SGSM1: variants seen among roughly 807,000 people sequenced by gnomAD.
SGSM1 encodes the protein RUN and TBC1 domain containing 2.
In SGSM1, 73 loss-of-function variants were observed where a neutral mutation model predicts 133.8. The ratio of observed to expected loss-of-function variants is 0.55; its 90% CI spans 0.45 to 0.66. The LOEUF (loss-of-function observed/expected upper bound fraction) is 0.66, where lower values mean the gene tolerates loss of function less well. Among genes scored for constraint, SGSM1 ranks in the 30% least tolerant of loss-of-function variants. The probability of loss-of-function intolerance (pLI) is 0.00; values close to 1 mark genes in which losing one functional copy is unlikely to be tolerated. For missense variants in SGSM1, 1,213 were observed against 1,448.1 expected, an observed-to-expected ratio of 0.84 and a Z score of 2.64; for synonymous variants, 563 against 573.0, an observed-to-expected ratio of 0.98 and a Z score of 0.25.
intron 21 of SGSM1, among the ~76,000 whole-genome samples, chr22:24,909,644 C>A (rs940856815): frequency 6.6e-6 from 1 of 151,950 alleles, no homozygotes; most frequent in African/African-American, 2.4e-5. Flanking sequence ...TTAGTAGAGA[C>A]GGGATTTCAC....
chr22:24,855,145 C>T, intron 6 of SGSM1, 82 bp downstream of exon 6: 1 of 1,555,694 alleles, frequency 6.4e-7, no homozygotes, highest in Non-Finnish European at 8.7e-7. Context: ...TCTCTCACCC[C>T]TGTCCAGCCT....
chr22:24,867,857 C>G (rs1048820016), intron 10 of SGSM1, among the ~76,000 whole-genome samples: 2 of 152,152 alleles, frequency 1.3e-5, no homozygotes, highest in African/African-American at 4.8e-5. Context: ...AGTTACTTAA[C>G]CTCTCTGAGC....
rs113548328 is a variant in SGSM1 at position 24,886,937 on chromosome 22, T to C, written c.1770+209T>C. ...TTTAAATTTTGGACTAAGTGTAGAT[T>C]ATGCAGTTGTAAGAAATTAATGTGG... On this transcript the variant is annotated intron_variant, in intron 16 of 24. Coordinates refer to ENST00000400358, the MANE Select transcript of SGSM1 (RefSeq NM_001098497.3). Among the ~76,000 whole-genome samples, 397 of 151,950 alleles carry C rather than the reference T, an allele frequency of 2.6e-3. 1 individual carries two copies. Among genetic ancestry groups the C allele is most frequent in the African/African-American group, 9.0e-3 (374 of 41,420 alleles).
chr22:24,907,217 G>A (rs1345522690), intron 21 of SGSM1, among the ~76,000 whole-genome samples: 4 of 150,310 alleles, frequency 2.7e-5, no homozygotes, highest in African/African-American at 7.3e-5. Context: ...CTGAGATTGC[G>A]CCATTACACT....
chr22:24,910,329 G>A (rs1207725384), intron 21 of SGSM1, among the ~76,000 whole-genome samples: 4 of 152,098 alleles, frequency 2.6e-5, no homozygotes, highest in African/African-American at 7.2e-5. Context: ...TTTAAAGGGT[G>A]AATTTTATAT....
At chr22:24,923,874 G>A (rs1176907945) in intron 24 of SGSM1, among the ~76,000 whole-genome samples, 6 of 152,076 alleles carry the variant, frequency 3.9e-5, no homozygotes, top group South Asian at 2.1e-4. Flanking sequence ...CACCTGCCTC[G>A]GCCTCCCAAG....
At chr22:24,884,651 A>G (rs1932505533) in intron 15 of SGSM1, among the ~76,000 whole-genome samples, 1 of 152,312 alleles carries the variant, frequency 6.6e-6, no homozygotes, top group African/African-American at 2.4e-5. Context: ...CTAAAGTGAA[A>G]TAGGCTTTTA....
In SGSM1 at chr22:24,820,222, A is replaced by G. The variant is rs1928384762; in HGVS notation, c.63+13738A>G. 2.6e-5 allele frequency among the ~76,000 whole-genome samples: 4 copies of G among 152,198 alleles called. 1 individual carries two copies. In the South Asian group the frequency reaches 8.3e-4, roughly 32 times the overall value. ...TTTATACAAGAATGTCCCCGAGAGA[A>G]TGCCTTGGAATCAGGCCCCGGGGGA... is the stretch of plus-strand genomic sequence containing the variant. On this transcript the variant is annotated intron_variant, in intron 2 of 24. Coordinates refer to ENST00000400358, the MANE Select transcript of SGSM1 (RefSeq NM_001098497.3).
chr22:24,900,781 C>G (rs1342366061), intron 19 of SGSM1, among the ~76,000 whole-genome samples: 1 of 152,170 alleles, frequency 6.6e-6, no homozygotes, highest in Non-Finnish European at 1.5e-5. Flanking sequence ...GGCTCTGATT[C>G]TGTTTTCTTG....
chr22:24,817,008 G>GA (rs1199470849), intron 2 of SGSM1, among the ~76,000 whole-genome samples: 1 of 152,180 alleles, frequency 6.6e-6, no homozygotes, highest in African/African-American at 2.4e-5. Flanking sequence ...CTTGGTCATG[G>GA]GGGGGTGAGG....
chr22:24,856,935 A>T (rs1331747142), intron 8 of SGSM1, among the ~76,000 whole-genome samples: 7 of 151,458 alleles, frequency 4.6e-5, no homozygotes, highest in African/African-American at 1.7e-4. Flanking sequence ...CGCCCAGCTA[A>T]TTTTTTGTAT....
chr22:24,854,991 G>A lies in SGSM1; in HGVS notation c.456-5G>A. 6.2e-7 allele frequency: 1 copy of A among 1,612,494 alleles called. No homozygotes were observed. Among genetic ancestry groups the A allele is most frequent in the Admixed American group, 1.7e-5 (1 of 59,880 alleles). Reference sequence around the variant, plus strand: ...CCAAACCTGCATATTCTCTCCTCTTGCTAGTAAATACTATGAGAAGGAAGC... The same window carrying A: ...CCAAACCTGCATATTCTCTCCTCTTACTAGTAAATACTATGAGAAGGAAGC... On this transcript the variant is annotated splice_polypyrimidine_tract_variant and splice_region_variant and intron_variant, in intron 5 of 24. Transcript: ENST00000400358.
chr22:24,887,989 A>G (rs566434056), intron 16 of SGSM1, among the ~76,000 whole-genome samples: 124 of 152,282 alleles, frequency 8.1e-4, no homozygotes, highest in Non-Finnish European at 1.3e-3. Flanking sequence ...GCCATTGTGT[A>G]TCTTCTCTGG....
At chr22:24,894,325 G>A (rs1333453211) in intron 17 of SGSM1, among the ~76,000 whole-genome samples, 2 of 152,196 alleles carry the variant, frequency 1.3e-5, no homozygotes, top group African/African-American at 2.4e-5. Flanking sequence ...CCCGGGAGGC[G>A]GAAGTTGCAG....
Position 24,845,941 on chromosome 22 carries a change from T to TTTC in SGSM1, c.139+971_139+972insCTT, listed in dbSNP as rs1555924219. 5.1e-3 allele frequency among the ~76,000 whole-genome samples: 595 copies of TTTC among 115,714 alleles called. 9 individuals are homozygous for TTTC. Among genetic ancestry groups the TTTC allele is most frequent in the Middle Eastern group, 7.9e-3 (2 of 252 alleles). The allele number at this position is 115,714 out of a possible 152,430, so 75.9% of individuals were successfully genotyped here. A position where few individuals can be genotyped will look rare whatever the true frequency, so the allele number is the denominator to read the frequency against. ...TGGGCAAGATCTTTCTTTTCTTTTC[T>TTTC]TTTCTTTCTTTCTTTCTTTCTTTCT... On this transcript the variant is annotated intron_variant, in intron 3 of 24. Transcript: ENST00000400358.
At chr22:24,852,444 A>G (rs73155755) in intron 5 of SGSM1, among the ~76,000 whole-genome samples, 2,762 of 152,030 alleles carry the variant, frequency 0.018, 52 homozygotes, top group East Asian at 0.09. Context: ...GCTAATTTTT[A>G]AATTTATTTT....
intron 9 of SGSM1, among the ~76,000 whole-genome samples, chr22:24,861,767 C>T (rs893188436): frequency 1.3e-5 from 2 of 151,320 alleles, no homozygotes; most frequent in Admixed American, 1.3e-4. Context: ...AGGCTGGTCT[C>T]GACTCCTGAC....
intron 2 of SGSM1, among the ~76,000 whole-genome samples, chr22:24,812,069 C>T (rs1049526413): frequency 6.6e-6 from 1 of 150,834 alleles, no homozygotes; most frequent in African/African-American, 2.4e-5. Context: ...ACTCGGGATG[C>T]TGAGGCAGGA....
intron 2 of SGSM1, among the ~76,000 whole-genome samples, chr22:24,830,988 T>C (rs1220498345): frequency 6.6e-6 from 1 of 152,086 alleles, no homozygotes; most frequent in Non-Finnish European, 1.5e-5. Context: ...TTGCACCCAG[T>C]ATCACAGCCC....
Sources: allele counts gnomAD v4.1 joint callset (sites outside exome capture counted in the v4.1 genomes callset), GRCh38; gene constraint gnomAD v4.1.1; transcripts MANE v1.5; gene names NCBI Gene and HGNC (gene_info 2026-07-23, HGNC 2026-07-21).